The following IL17RA variants were observed in gnomAD, a reference collection of about 807,000 sequenced individuals.
IL17RA encodes the protein interleukin-17 receptor A.
Under a neutral mutation model 50.4 loss-of-function variants are expected in IL17RA, and 34 were observed. That is an observed-to-expected ratio of 0.67 (90% CI 0.51 to 0.90). IL17RA has a LOEUF of 0.90. Among genes scored for constraint, IL17RA ranks in the 40% least tolerant of loss-of-function variants. The pLI is 0.00. For missense variants in IL17RA, 1,276 were observed against 1,169.8 expected (o/e 1.09, Z -1.32); for synonymous variants, 585 against 510.4 (o/e 1.15, Z -1.97).
rs767388612 is a variant in IL17RA, at chr22:17,103,563, C to G, written c.832C>G (p.Arg278Gly). The change falls in exon 8 of 13, where the codon CGC becomes GGC. Residue 278 changes from arginine (R) to glycine (G), a missense_variant. Arg to Gly is a moderately radical substitution (Grantham distance 125, BLOSUM62 -2). Transcript: ENST00000319363. ...LTLRNLKGCC[R>G]HQVQIQPFFS... ...TCTACGCAACCTTAAAGGGTGCTGTCGCCACCAAGTGCAGGTGGGTGAGTG... is the reference window on the plus strand; with the variant it reads ...TCTACGCAACCTTAAAGGGTGCTGTGGCCACCAAGTGCAGGTGGGTGAGTG... The G allele has an allele frequency of 2.5e-6, 4 of 1,612,708 alleles. No individual in the cohort carries two copies. The East Asian group carries it at 8.9e-5, about 36-fold the overall frequency.
At chr22:17,085,313 C>T (rs1185509148) in intron 1 of IL17RA, 84 bp downstream of exon 1, 4 of 1,517,240 alleles carry the variant, frequency 2.6e-6, no homozygotes, top group African/African-American at 1.4e-5. Context: ...GTCGGGACTA[C>T]GCGCCCGGGC....
chr22:17,108,178 A>T, intron 12 of IL17RA, 129 bp from the exon 13 acceptor site: 1 of 895,816 alleles, frequency 1.1e-6, no homozygotes, highest in Non-Finnish European at 1.8e-6. Context: ...AACAGGCCTC[A>T]GTTGGGTTTC....
chr22:17,108,778 C>T lies in IL17RA; in HGVS notation c.1559C>T (p.Ala520Val), dbSNP rs1296881893. The part of the protein sequence containing the change: ...DGDVPDLFGA[A>V]PRYPLMDRFE... ...GACGTCCCCGACCTGTTCGGCGCGG[C>T]GCCGCGGTACCCGCTCATGGACAGG... Residue 520 changes from alanine to valine, a missense_variant, in exon 13 of 13, where the codon GCG (alanine) becomes GTG (valine). Physicochemically the swap from Ala to Val is moderately conservative, Grantham distance 64. Transcript: ENST00000319363. 5.0e-6 allele frequency: 8 copies of T among 1,607,664 alleles called. No homozygotes were observed. The highest frequency in any genetic ancestry group is 4.5e-5 in the East Asian group (2 of 44,518).
At chr22:17,085,298 G>A in intron 1 of IL17RA, 69 bp downstream of exon 1, 1 of 1,524,130 alleles carries the variant, frequency 6.6e-7, no homozygotes, top group Non-Finnish European at 8.8e-7. Flanking sequence ...GCGGAGGGCC[G>A]GACGGTCGGG....
rs1205028575 is a variant in IL17RA at position 17,085,087 on chromosome 22, G to A, written c.-5G>A. 7.6e-7 allele frequency: 1 copy of A among 1,318,168 alleles called. No individual in the cohort carries two copies. The highest frequency in any genetic ancestry group is 9.7e-7 in the Non-Finnish European group (1 of 1,034,786). The allele number at this position is 1,318,168 out of a possible 1,614,324, so 81.7% of individuals were successfully genotyped here. ...GGCCGAGCCCTCCGCGACGCCAGCC[G>A]GGCCATGGGGGCCGCACGCAGCCCG... On this transcript the variant is annotated 5_prime_UTR_variant, in exon 1 of 13. Coordinates refer to ENST00000319363, the MANE Select transcript of IL17RA (RefSeq NM_014339.7).
intron 1 of IL17RA, among the ~76,000 whole-genome samples, chr22:17,094,673 C>CTATATATATATATATGTGTATATA (rs1568917416): frequency 2.9e-4 from 14 of 47,850 alleles, no homozygotes; most frequent in Admixed American, 7.4e-4. Context: ...CTCTCTCTCT[C>CTATATATATATATATGTGTATATA]TCTCTCTCTC....
At chr22:17,092,797 C>G (rs762436115) in intron 1 of IL17RA, among the ~76,000 whole-genome samples, 1 of 152,096 alleles carries the variant, frequency 6.6e-6, no homozygotes, top group South Asian at 2.1e-4. Context: ...GAAATCTAGT[C>G]AATCATATTT....
intron 1 of IL17RA, among the ~76,000 whole-genome samples, chr22:17,094,716 T>TATATATATATATATATATATTC (rs1178787318): frequency 5.1e-5 from 6 of 118,538 alleles, no homozygotes; most frequent in African/African-American, 2.0e-4. Flanking sequence ...TATATATATA[T>TATATATATATATATATATATTC]ATTCAGGGAG....
intron 8 of IL17RA, 95 bp downstream of exon 8, chr22:17,103,672 G>A: frequency 2.1e-6 from 2 of 967,800 alleles, no homozygotes; most frequent in Admixed American, 4.0e-5. Context: ...GAAGAGTGGT[G>A]TGGACGGGAG....
chr22:17,107,049 A>G (rs533860502), intron 11 of IL17RA, among the ~76,000 whole-genome samples: 3 of 152,100 alleles, frequency 2.0e-5, no homozygotes, highest in African/African-American at 2.4e-5. Flanking sequence ...GTGGATCTCA[A>G]TCCTCCCAGC....
chr22:17,113,882 T>A lies in IL17RA; in HGVS notation c.*4062T>A, dbSNP rs12484781. 12,803 of 152,212 alleles carry A rather than the reference T, an allele frequency of 0.084. 1,027 individuals are homozygous for A. The highest frequency in any genetic ancestry group is 0.34 in the East Asian group (1,765 of 5,156). 9.4% of individuals were successfully genotyped at this position (152,212 alleles called of 1,614,324 possible). A position where few individuals can be genotyped will look rare whatever the true frequency, so the allele number is the denominator to read the frequency against. On this transcript the variant is annotated 3_prime_UTR_variant, in exon 13 of 13. Coordinates refer to ENST00000319363, the MANE Select transcript of IL17RA (RefSeq NM_014339.7). ...GGGCAGGAGTTCCCACCTCATGGGG[T>A]CCTGGCAAGCCTGCAGTATCCCCGA...
rs751043798 is a variant in IL17RA, at chr22:17,108,965, C to T, written c.1746C>T (p.Pro582=). The change falls in exon 13 of 13, where the codon CCC becomes CCT. Residue 582 remains proline, a synonymous_variant. Coordinates refer to ENST00000319363, the MANE Select transcript of IL17RA (RefSeq NM_014339.7). The part of the protein sequence containing the change: ...DRFRDWQVRC[P]DWFECENLYS... ...TCCGGGACTGGCAGGTCCGCTGTCC[C>T]GACTGGTTCGAATGTGAGAACCTCT... The T allele has an allele frequency of 6.2e-7, 1 of 1,605,914 alleles. No individual in the cohort carries two copies. Among genetic ancestry groups the T allele is most frequent in the Admixed American group, 1.7e-5 (1 of 59,688 alleles).
At position 17,114,810 on chromosome 22, in the gene IL17RA, G is replaced by A. The variant is rs1280316591; in HGVS notation, c.*4990G>A. The A allele has an allele frequency of 2.6e-5, 4 of 152,240 alleles. No homozygotes were observed. The highest frequency in any genetic ancestry group is 4.4e-5 in the Non-Finnish European group (3 of 68,054). The allele number at this position is 152,240 out of a possible 1,614,324, so 9.4% of individuals were successfully genotyped here. On this transcript the variant is annotated 3_prime_UTR_variant, in exon 13 of 13. Coordinates refer to ENST00000319363, the MANE Select transcript of IL17RA (RefSeq NM_014339.7). ...AGGTTGCCTGGAGCAGTGCAGATGT[G>A]GGAGGAAGAAGGGCCTTGGTGCACA...
chr22:17,101,865 T>G (rs1170546074), intron 5 of IL17RA, 131 bp from the exon 6 acceptor site: 2 of 1,081,358 alleles, frequency 1.8e-6, no homozygotes, highest in Non-Finnish European at 1.4e-6. Flanking sequence ...GCCCTGGAGC[T>G]CACTCTGAAG....
chr22:17,103,354 G>T, intron 7 of IL17RA, 140 bp from the exon 8 acceptor site: 1 of 710,518 alleles, frequency 1.4e-6, no homozygotes. Context: ...TTCTGGAATA[G>T]AAACCTGAAA....
intron 4 of IL17RA, among the ~76,000 whole-genome samples, chr22:17,099,839 A>G (rs1454307866): frequency 2.0e-5 from 3 of 152,220 alleles, no homozygotes; most frequent in East Asian, 1.9e-4. Context: ...TATCATTGCA[A>G]CTGAGGTGCC....
rs2061450330 is a variant in IL17RA at position 17,112,996 on chromosome 22, TTTTG to T, written c.*3180_*3183del. ...CCTACTATCTTGATCCTAGTTTTTT[TTTTG>T]TTTTTTTTTTTTTTAAGGAATAATT... On this transcript the variant is annotated 3_prime_UTR_variant, in exon 13 of 13. Coordinates refer to ENST00000319363, the MANE Select transcript of IL17RA (RefSeq NM_014339.7). The T allele has an allele frequency of 7.9e-6, 1 of 127,242 alleles. No individual in the cohort carries two copies. The highest frequency in any genetic ancestry group is 1.7e-5 in the Non-Finnish European group (1 of 57,556). 7.9% of individuals were successfully genotyped at this position (127,242 alleles called of 1,614,324 possible). A position where few individuals can be genotyped will look rare whatever the true frequency, so the allele number is the denominator to read the frequency against.
In IL17RA at chr22:17,109,576, A is replaced by G; in HGVS notation, c.2357A>G (p.Gln786Arg). The G allele has an allele frequency of 6.2e-7, 1 of 1,600,714 alleles. No homozygotes were observed. The highest frequency in any genetic ancestry group is 1.7e-5 in the Admixed American group (1 of 57,712). ...CCACACACGCCCTACGAGGAGGAGC[A>G]GCGGCAGTCAGTGCAGTCTGACCAG... ...TDPHTPYEEE[Q>R]RQSVQSDQGY... The change falls in exon 13 of 13, where the codon CAG becomes CGG. Residue 786 changes from glutamine to arginine, a missense_variant. Transcript: ENST00000319363.
rs1341675849 is a variant in IL17RA at position 17,110,762 on chromosome 22, G to C, written c.*942G>C. 1 of 152,412 alleles carries C rather than the reference G, an allele frequency of 6.6e-6. No homozygotes were observed. The highest frequency in any genetic ancestry group is 2.1e-4 in the South Asian group (1 of 4,838). 9.4% of individuals were successfully genotyped at this position (152,412 alleles called of 1,614,324 possible). On this transcript the variant is annotated 3_prime_UTR_variant, in exon 13 of 13. Transcript: ENST00000319363. ...TGATCACTTGAGCCCAGGAGGTAGA[G>C]GCTGCAGTGAGCTATAATGGTACCA...
Sources: gnomAD v4.1 joint callset for allele counts (sites outside exome capture counted in the v4.1 genomes callset) on GRCh38, gnomAD v4.1.1 for gene constraint, MANE v1.5 for transcripts, NCBI Gene and HGNC (gene_info 2026-07-23, HGNC 2026-07-21) for gene names.